The following LUZP1 variants were observed in gnomAD, a reference collection of about 807,000 sequenced individuals.
The protein encoded by LUZP1 is leucine zipper protein 1.
LUZP1 carries 25 observed loss-of-function variants against 71.3 expected under a neutral mutation model. That is an observed-to-expected ratio of 0.35 (90% confidence interval 0.26 to 0.49). The LOEUF is 0.49. LUZP1 is among the 20% of genes least tolerant of loss of function. The pLI is 0.99. For synonymous variants in LUZP1, 481 were observed against 506.4 expected, an observed-to-expected ratio of 0.95 and a Z score of 0.67; for missense variants, 1,142 against 1,300.8, an observed-to-expected ratio of 0.88 and a Z score of 1.88.
At chr1:23,109,952 AG>A (rs1480705949) in intron 2 of LUZP1, among the ~76,000 whole-genome samples, 1 of 152,206 alleles carries the variant, frequency 6.6e-6, no homozygotes, top group African/African-American at 2.4e-5. Context: ...TCTAGAAGAT[AG>A]GAAAAAAACA....
chr1:23,117,171 T>C (rs1644085874), intron 2 of LUZP1, among the ~76,000 whole-genome samples: 1 of 152,210 alleles, frequency 6.6e-6, no homozygotes, highest in Non-Finnish European at 1.5e-5. Context: ...TCCTGCCTGC[T>C]GCCCTGGCAA....
At chr1:23,132,385 C>T (rs2124689149) in intron 2 of LUZP1, among the ~76,000 whole-genome samples, 1 of 152,176 alleles carries the variant, frequency 6.6e-6, no homozygotes, top group East Asian at 1.9e-4. Flanking sequence ...ATTACAGCTA[C>T]CTGCAGGGCA....
At chr1:23,135,781 T>G (rs1644248681) in intron 2 of LUZP1, among the ~76,000 whole-genome samples, 1 of 152,214 alleles carries the variant, frequency 6.6e-6, no homozygotes, top group Admixed American at 6.5e-5. Context: ...ATACCTAAAA[T>G]ATGTAACAAA....
intron 1 of LUZP1, among the ~76,000 whole-genome samples, chr1:23,172,640 G>A (rs923994019): frequency 1.1e-4 from 17 of 151,212 alleles, no homozygotes; most frequent in Admixed American, 6.6e-4. Flanking sequence ...TCAGCCTCCC[G>A]AGTAGCCGGG....
At chr1:23,111,433 A>G (rs1318149841) in intron 2 of LUZP1, among the ~76,000 whole-genome samples, 1 of 151,940 alleles carries the variant, frequency 6.6e-6, no homozygotes, top group Non-Finnish European at 1.5e-5. Context: ...GGTGATGCAC[A>G]CCTATAGTCC....
rs200491542 is a variant in LUZP1 at position 23,093,180 on chromosome 1, T to C, written c.1082A>G (p.Glu361Gly). ...GCCTTTGCTGGACAGGAAAGCATCT[T>C]CCCCTTCTACCTCTCCATTTTCTAA... Residue 361 changes from glutamate to glycine, a missense_variant, in exon 4 of 5, where the codon GAA becomes GGA. By Grantham distance (98) the Glu-to-Gly change is moderately conservative. Transcript: ENST00000302291. The surrounding 1 kb of genome is among the most constrained non-coding windows in gnomAD (Gnocchi z 4.2). 5.6e-6 allele frequency: 9 copies of C among 1,614,192 alleles called. No homozygotes were observed. The highest frequency in any genetic ancestry group is 6.8e-6 in the Non-Finnish European group (8 of 1,180,036).
chr1:23,177,081 G>A (rs995997625), intron 1 of LUZP1, among the ~76,000 whole-genome samples: 9 of 151,432 alleles, frequency 5.9e-5, no homozygotes, highest in African/African-American at 2.2e-4. Flanking sequence ...GATGGGGGGG[G>A]GGTCTCACTA....
At chr1:23,084,908 CAG>C (rs1491578720) in exon 5 of LUZP1, 1 of 152,642 alleles carries the variant, frequency 6.6e-6, no homozygotes, top group Admixed American at 6.5e-5. Context: ...GCATAGAAGA[CAG>C]ATGATACACA....
intron 2 of LUZP1, among the ~76,000 whole-genome samples, chr1:23,143,909 A>G (rs1209518736): frequency 6.6e-6 from 1 of 152,208 alleles, no homozygotes; most frequent in Non-Finnish European, 1.5e-5. Flanking sequence ...CTGAGAATTA[A>G]AATTCAGGAC....
rs80026050 is a variant in LUZP1 at position 23,084,486 on chromosome 1, A to C, written c.*4409T>G. Reference sequence around the variant, plus strand: ...TTAAGGCCCACCTGGATCATCTAGGATGTTCTGCCTCATCCCAGCATCCTT... The same window carrying C: ...TTAAGGCCCACCTGGATCATCTAGGCTGTTCTGCCTCATCCCAGCATCCTT... On this transcript the variant is annotated 3_prime_UTR_variant, in exon 5 of 5. Transcript: ENST00000302291. The C allele has an allele frequency of 7.9e-5, 12 of 152,104 alleles. No individual in the cohort carries two copies. In the East Asian group the frequency reaches 1.5e-3, roughly 19 times the overall value. The allele number at this position is 152,104 out of a possible 1,614,324, so 9.4% of individuals were successfully genotyped here. A position where few individuals can be genotyped will look rare whatever the true frequency, so the allele number is the denominator to read the frequency against.
chr1:23,142,694 TATATATACACACACACACACAC>T (rs1370463094), intron 2 of LUZP1, among the ~76,000 whole-genome samples: 4 of 85,796 alleles, frequency 4.7e-5, no homozygotes, highest in East Asian at 3.0e-4. Flanking sequence ...AAAATATATA[TATATATACACACACACACACAC>T]ACACACACAC....
intron 2 of LUZP1, among the ~76,000 whole-genome samples, chr1:23,139,606 TTTAGC>T (rs1644287187): frequency 6.6e-6 from 1 of 152,176 alleles, no homozygotes; most frequent in Non-Finnish European, 1.5e-5. Context: ...TAACAATTTC[TTTAGC>T]TTAATTTATT....
At chr1:23,122,590 T>A (rs1306829920) in intron 2 of LUZP1, among the ~76,000 whole-genome samples, 3 of 152,204 alleles carry the variant, frequency 2.0e-5, no homozygotes, top group Non-Finnish European at 4.4e-5. Context: ...ACCTGACACT[T>A]TTCTGGCACA....
chr1:23,125,264 A>AAG (rs1261607637), intron 2 of LUZP1, among the ~76,000 whole-genome samples: 13 of 152,210 alleles, frequency 8.5e-5, no homozygotes, highest in African/African-American at 2.9e-4. Context: ...TACTTTCTTC[A>AAG]AAAGTATGCC....
chr1:23,160,421 T>G (rs1227701470), intron 2 of LUZP1, among the ~76,000 whole-genome samples: 2 of 152,216 alleles, frequency 1.3e-5, no homozygotes, highest in African/African-American at 4.8e-5. Context: ...AAAGCATTTT[T>G]TCTAAGAAGG....
intron 1 of LUZP1, among the ~76,000 whole-genome samples, chr1:23,173,107 C>T (rs978066732): frequency 2.0e-5 from 3 of 151,180 alleles, no homozygotes; most frequent in Non-Finnish European, 4.4e-5. Context: ...AGGTGTGAGC[C>T]ACCGCCAGGC....
chr1:23,158,646 TCAAAAAAAAAAAAAAA>T (rs1644439261), intron 2 of LUZP1, among the ~76,000 whole-genome samples: 1 of 44,246 alleles, frequency 2.3e-5, no homozygotes, highest in Non-Finnish European at 3.9e-5. Context: ...AGACTCTGTC[TCAAAAAAAAAAAAAAA>T]AAAAAAAAAA....
chr1:23,143,615 C>T (rs1439345900), intron 2 of LUZP1, among the ~76,000 whole-genome samples: 1 of 152,158 alleles, frequency 6.6e-6, no homozygotes, highest in Non-Finnish European at 1.5e-5. Context: ...AACCTTTGCG[C>T]CAGGCTAACT....
intron 2 of LUZP1, among the ~76,000 whole-genome samples, chr1:23,161,459 G>C (rs1298968102): frequency 1.3e-5 from 2 of 152,248 alleles, no homozygotes; most frequent in Middle Eastern, 3.4e-3. Context: ...GTAGGAAACA[G>C]CTCACTGAGT....
Sources: gnomAD v4.1 joint callset for allele counts (sites outside exome capture counted in the v4.1 genomes callset) on GRCh38, gnomAD v4.1.1 for gene constraint, Gnocchi (gnomAD v3.1) non-coding constraint, MANE v1.5 for transcripts, NCBI Gene and HGNC (gene_info 2026-07-23, HGNC 2026-07-21) for gene names.